Variants in LNX1 observed in about 807,000 individuals in gnomAD.
LNX1 encodes the protein E3 ubiquitin-protein ligase LNX.
Under a neutral mutation model 68.4 loss-of-function variants are expected in LNX1, and 54 were observed. The observed-to-expected ratio is 0.79, with a 90% CI of 0.63 to 0.99. The LOEUF (loss-of-function observed/expected upper bound fraction) is 0.99, where lower values mean the gene tolerates loss of function less well. Ranked by LOEUF, LNX1 falls within the 50% of genes least tolerant of loss-of-function variation. The pLI is 0.00. For missense variants in LNX1, 906 were observed against 926.4 expected (o/e 0.98, Z 0.29); for synonymous variants, 336 against 350.0 (o/e 0.96, Z 0.45).
Position 53,476,807 on chromosome 4 carries a change from A to G in LNX1, c.1838T>C (p.Met613Thr), listed in dbSNP as rs1723591493. The G allele has an allele frequency of 6.2e-7, 1 of 1,614,138 alleles. No individual in the cohort carries two copies. Residue 613 changes from methionine (M) to threonine (T), a missense_variant, in exon 9 of 11, where the codon ATG becomes ACG. By Grantham distance (81) the Met-to-Thr change is moderately conservative. Coordinates refer to ENST00000263925, the MANE Select transcript of LNX1 (RefSeq NM_001126328.3). Reference sequence around the variant, plus strand: ...TGGGGACCAGTCACTGGGTGGGGCCATGTTGTGGTTGGAGTCCAGGGCTGC... The same window carrying G: ...TGGGGACCAGTCACTGGGTGGGGCCGTGTTGTGGTTGGAGTCCAGGGCTGC... ...SPAALDSNHN[M>T]APPSDWSPSW...
intron 2 of LNX1, among the ~76,000 whole-genome samples, chr4:53,512,609 T>C (rs549496464): frequency 3.2e-4 from 49 of 152,250 alleles, no homozygotes; most frequent in Non-Finnish European, 6.5e-4. Context: ...ATGAGACTAA[T>C]TTTTCAACTG....
chr4:53,465,435 AT>A (rs1302788360), intron 9 of LNX1, among the ~76,000 whole-genome samples: 1 of 152,198 alleles, frequency 6.6e-6, no homozygotes, highest in Non-Finnish European at 1.5e-5. Flanking sequence ...CACTAAACAC[AT>A]TATTTAGTTT....
intron 1 of LNX1, among the ~76,000 whole-genome samples, chr4:53,647,189 C>T (rs1041106722): frequency 2.2e-4 from 33 of 152,202 alleles, no homozygotes; most frequent in Middle Eastern, 3.2e-3. Flanking sequence ...TATCTGTGTG[C>T]ATGTTTCTGA....
chr4:53,495,579 A>G (rs1382974442), intron 6 of LNX1, among the ~76,000 whole-genome samples: 7 of 97,784 alleles, frequency 7.2e-5, no homozygotes, highest in African/African-American at 1.7e-4. Flanking sequence ...GTCTTGCTCT[A>G]TTGCTCAGGC....
At chr4:53,495,991 T>C in intron 6 of LNX1, 32 bp downstream of exon 6, 1 of 1,589,990 alleles carries the variant, frequency 6.3e-7, no homozygotes, top group East Asian at 2.2e-5. Context: ...CCGGGGTTTC[T>C]GACTGGGATC....
intron 1 of LNX1, among the ~76,000 whole-genome samples, chr4:53,639,142 T>C (rs1734584354): frequency 1.3e-5 from 2 of 152,200 alleles, no homozygotes; most frequent in Non-Finnish European, 2.9e-5. Flanking sequence ...CATGAAGTAC[T>C]ATGCATCCAT....
At chr4:53,576,809 A>G (rs1227635046) in intron 1 of LNX1, among the ~76,000 whole-genome samples, 1 of 152,200 alleles carries the variant, frequency 6.6e-6, no homozygotes, top group Non-Finnish European at 1.5e-5. Context: ...AAACTGTATT[A>G]TATCTCTTTT....
intron 1 of LNX1, among the ~76,000 whole-genome samples, chr4:53,644,706 C>T (rs1734818550): frequency 6.6e-6 from 1 of 152,146 alleles, no homozygotes; most frequent in Non-Finnish European, 1.5e-5. Flanking sequence ...TAGGTTACCC[C>T]AGCACCAGCA....
rs143972844 is a variant in LNX1, at chr4:53,606,468, A to G, written c.-215+10049T>C. 4.3e-3 allele frequency among the ~76,000 whole-genome samples: 437 copies of G among 101,334 alleles called. 3 individuals carry two copies. Among genetic ancestry groups the G allele is most frequent in the African/African-American group, 0.015 (413 of 28,302 alleles). The allele number at this position is 101,334 out of a possible 152,430, so 66.5% of individuals were successfully genotyped here. A position where few individuals can be genotyped will look rare whatever the true frequency, so the allele number is the denominator to read the frequency against. Reference sequence around the variant, plus strand: ...AGCCTACCAACCAGAAAAAACAAACAAACAAACAAAAAACAAACAAAAAAA... The same window carrying G: ...AGCCTACCAACCAGAAAAAACAAACGAACAAACAAAAAACAAACAAAAAAA... On this transcript the variant is annotated intron_variant, in intron 2 of 3. Transcript: ENST00000504299.
At chr4:53,484,264 A>C (rs1413908977) in intron 6 of LNX1, among the ~76,000 whole-genome samples, 1 of 152,180 alleles carries the variant, frequency 6.6e-6, no homozygotes, top group African/African-American at 2.4e-5. Flanking sequence ...CAGAGCACAC[A>C]ACTCACTCAC....
intron 1 of LNX1, chr4:53,579,271 G>A: frequency 1.0e-6 from 1 of 984,826 alleles, no homozygotes; most frequent in Non-Finnish European, 1.2e-6. Context: ...GATGGGTACG[G>A]TGGAAATCTT....
At chr4:53,606,947 G>A (rs1467426793) in intron 2 of LNX1, among the ~76,000 whole-genome samples, 1 of 152,108 alleles carries the variant, frequency 6.6e-6, no homozygotes, top group Non-Finnish European at 1.5e-5. Context: ...GGGCATTGAA[G>A]GAACATACTT....
intron 1 of LNX1, among the ~76,000 whole-genome samples, chr4:53,626,857 C>T (rs1486316049): frequency 3.3e-5 from 5 of 152,192 alleles, no homozygotes; most frequent in Non-Finnish European, 7.3e-5. Context: ...ATAAAAACCA[C>T]ACCATGCACC....
chr4:53,501,305 T>TGGCG (rs1725476801), intron 4 of LNX1, among the ~76,000 whole-genome samples: 1 of 88,812 alleles, frequency 1.1e-5, no homozygotes, highest in Admixed American at 1.4e-4. Flanking sequence ...TTTTTGGGGG[T>TGGCG]GGGGGGACAG....
intron 2 of LNX1, among the ~76,000 whole-genome samples, chr4:53,612,703 G>C (rs548489548): frequency 3.2e-3 from 256 of 81,198 alleles, no homozygotes; most frequent in Non-Finnish European, 5.4e-3. Context: ...GCTAATTTTT[G>C]TATTTTTTTT....
intron 5 of LNX1, 68 bp from the exon 6 acceptor site, chr4:53,496,462 C>A: frequency 6.6e-7 from 1 of 1,513,300 alleles, no homozygotes; most frequent in Non-Finnish European, 8.8e-7. Context: ...AGATCCAGGC[C>A]CACAGAAAAG....
intron 6 of LNX1, among the ~76,000 whole-genome samples, chr4:53,487,589 A>G (rs1268245591): frequency 6.6e-6 from 1 of 152,176 alleles, no homozygotes; most frequent in African/African-American, 2.4e-5. Context: ...ACTGCTGGGC[A>G]TCAGGACCGT....
intron 1 of LNX1, among the ~76,000 whole-genome samples, chr4:53,646,951 T>C (rs1482251755): frequency 2.0e-5 from 3 of 152,186 alleles, no homozygotes; most frequent in East Asian, 1.9e-4. Flanking sequence ...TGTTTAGAAG[T>C]GGAGGAAGCT....
chr4:53,520,604 G>A (rs1344885301), intron 2 of LNX1, among the ~76,000 whole-genome samples: 2 of 152,150 alleles, frequency 1.3e-5, no homozygotes, highest in African/African-American at 4.8e-5. Context: ...GTGATGTGAT[G>A]GGGTGGGGGT....
Sources: gnomAD v4.1 joint callset for allele counts (sites outside exome capture counted in the v4.1 genomes callset) on GRCh38, gnomAD v4.1.1 for gene constraint, MANE v1.5 for transcripts, NCBI Gene and HGNC (gene_info 2026-07-23, HGNC 2026-07-21) for gene names.